GIPC2: variants seen among roughly 807,000 people sequenced by gnomAD.
GIPC2 encodes the protein PDZ domain-containing protein GIPC2.
GIPC2 carries 30 observed loss-of-function variants against 30.6 expected under a neutral mutation model. That is an observed-to-expected ratio of 0.98 (90% CI 0.73 to 1.33). The LOEUF (loss-of-function observed/expected upper bound fraction) is 1.33, where lower values mean the gene tolerates loss of function less well. Ranked by LOEUF, GIPC2 falls within the 40% of genes most tolerant of loss-of-function variation. The pLI is 0.00. For missense variants in GIPC2, 414 were observed against 390.3 expected (o/e 1.06, Z -0.51); for synonymous variants, 167 against 150.0 (o/e 1.11, Z -0.83).
At chr1:78,087,322 G>A (rs566680105) in intron 2 of GIPC2, among the ~76,000 whole-genome samples, 42 of 152,090 alleles carry the variant, frequency 2.8e-4, no homozygotes, top group Non-Finnish European at 5.7e-4. Flanking sequence ...AAAGCTGGAG[G>A]CATCATATTA....
At chr1:78,135,529 A>C (rs1662983863) in intron 5 of GIPC2, 63 bp from the exon 6 acceptor site, 2 of 988,672 alleles carry the variant, frequency 2.0e-6, no homozygotes, top group Non-Finnish European at 3.0e-6. Context: ...TCCTGTTGCC[A>C]TTTTTCTCAG....
intron 1 of GIPC2, among the ~76,000 whole-genome samples, chr1:78,054,019 C>G (rs1661244170): frequency 6.6e-6 from 1 of 152,138 alleles, no homozygotes; most frequent in Non-Finnish European, 1.5e-5. Flanking sequence ...CTCTTGAGTC[C>G]TCTCCTATGC....
chr1:78,056,986 G>A (rs909104485), intron 1 of GIPC2, among the ~76,000 whole-genome samples: 3 of 152,100 alleles, frequency 2.0e-5, no homozygotes, highest in Admixed American at 6.6e-5. Flanking sequence ...TTTGCTGATT[G>A]CATTCCTGTA....
chr1:78,067,373 G>A (rs1332361947), intron 1 of GIPC2, among the ~76,000 whole-genome samples: 2 of 152,092 alleles, frequency 1.3e-5, no homozygotes, highest in Non-Finnish European at 2.9e-5. Flanking sequence ...TGGTACAATG[G>A]TTCAATAAAT....
At chr1:78,087,285 G>T (rs1661948455) in intron 2 of GIPC2, among the ~76,000 whole-genome samples, 1 of 152,110 alleles carries the variant, frequency 6.6e-6, no homozygotes, top group African/African-American at 2.4e-5. Context: ...AGCCTGAATA[G>T]CCAAGATAAT....
At chr1:78,093,668 T>A (rs1336454433) in intron 2 of GIPC2, among the ~76,000 whole-genome samples, 1 of 152,198 alleles carries the variant, frequency 6.6e-6, no homozygotes, top group African/African-American at 2.4e-5. Context: ...GACACAATGA[T>A]CAATCACCCT....
chr1:78,112,625 C>T, intron 3 of GIPC2: 1 of 501,936 alleles, frequency 2.0e-6, no homozygotes, highest in Non-Finnish European at 4.0e-6. Context: ...CTTGGTCCTT[C>T]CGTCAGTTGA....
chr1:78,045,599 T>C, upstream of GIPC2: 3 of 985,436 alleles, frequency 3.0e-6, no homozygotes, highest in Non-Finnish European at 3.6e-6. Flanking sequence ...AATTCTGCCC[T>C]GCAGAGCGTA....
intron 3 of GIPC2, among the ~76,000 whole-genome samples, chr1:78,101,741 G>A (rs1662253798): frequency 6.6e-6 from 1 of 152,158 alleles, no homozygotes; most frequent in Non-Finnish European, 1.5e-5. Flanking sequence ...TGGAATGTCT[G>A]TAGTGGTATT....
intron 3 of GIPC2, among the ~76,000 whole-genome samples, chr1:78,112,712 C>T (rs533619881): frequency 1.2e-4 from 19 of 152,278 alleles, no homozygotes; most frequent in Non-Finnish European, 2.5e-4. Flanking sequence ...TCCCTAGGGC[C>T]GAGGCACAGG....
intron 3 of GIPC2, among the ~76,000 whole-genome samples, chr1:78,118,638 C>G (rs902610631): frequency 6.6e-6 from 1 of 152,182 alleles, no homozygotes; most frequent in African/African-American, 2.4e-5. Flanking sequence ...GAATTCCTTC[C>G]TTGGAACCTG....
At chr1:78,122,210 A>T (rs1435191861) in intron 4 of GIPC2, among the ~76,000 whole-genome samples, 4 of 152,262 alleles carry the variant, frequency 2.6e-5, no homozygotes, top group African/African-American at 9.6e-5. Flanking sequence ...AAAATAGCTC[A>T]TAATGAAAGG....
chr1:78,094,731 G>T (rs1176150645), intron 2 of GIPC2: 1 of 348,866 alleles, frequency 2.9e-6, no homozygotes, highest in Non-Finnish European at 5.3e-6. Flanking sequence ...CTGAGCATCA[G>T]ACTGCATTGT....
At chr1:78,111,556 T>C (rs909281877) in intron 3 of GIPC2, among the ~76,000 whole-genome samples, 1 of 152,216 alleles carries the variant, frequency 6.6e-6, no homozygotes, top group African/African-American at 2.4e-5. Flanking sequence ...TTTCTGAACA[T>C]TTTACGAGGA....
At chr1:78,059,109 C>G (rs1393672195) in intron 1 of GIPC2, among the ~76,000 whole-genome samples, 2 of 152,150 alleles carry the variant, frequency 1.3e-5, no homozygotes, top group Admixed American at 6.5e-5. Flanking sequence ...ACCTTGGTGA[C>G]CTTTTTAAAG....
intron 1 of GIPC2, among the ~76,000 whole-genome samples, chr1:78,055,729 C>T (rs141414996): frequency 3.5e-4 from 53 of 152,196 alleles, no homozygotes; most frequent in African/African-American, 1.2e-3. Context: ...ACAGGTGGGA[C>T]AGGACCCTTG....
intron 3 of GIPC2, among the ~76,000 whole-genome samples, chr1:78,097,244 C>T (rs559332249): frequency 6.6e-6 from 1 of 152,158 alleles, no homozygotes; most frequent in Non-Finnish European, 1.5e-5. Context: ...GACTCAGGGC[C>T]AAGAATTCAA....
intron 2 of GIPC2, among the ~76,000 whole-genome samples, chr1:78,093,151 GA>G (rs904075576): frequency 9.9e-5 from 15 of 151,626 alleles, no homozygotes; most frequent in Admixed American, 2.0e-4. Context: ...TAAAAACTAA[GA>G]AAAAAAATCA....
At chr1:78,082,149 G>T (rs1639137555) in intron 2 of GIPC2, among the ~76,000 whole-genome samples, 2 of 152,104 alleles carry the variant, frequency 1.3e-5, no homozygotes, top group Non-Finnish European at 2.9e-5. Context: ...TTATTTTACA[G>T]ATGTGGAAAC....
Sources: allele counts gnomAD v4.1 joint callset (sites outside exome capture counted in the v4.1 genomes callset), GRCh38; gene constraint gnomAD v4.1.1; transcripts MANE v1.5; gene names NCBI Gene and HGNC (gene_info 2026-07-23, HGNC 2026-07-21).